The following PDZRN3 variants were observed in gnomAD, a reference collection of about 807,000 sequenced individuals.
PDZRN3 encodes E3 ubiquitin-protein ligase PDZRN3.
PDZRN3 carries 38 observed loss-of-function variants against 85.7 expected under a neutral mutation model. That is an observed-to-expected ratio of 0.44 (90% CI 0.34 to 0.58). PDZRN3 has a LOEUF of 0.58. Among genes scored for constraint, PDZRN3 ranks in the 20% least tolerant of loss-of-function variants. The probability of loss-of-function intolerance (pLI) is 0.01; values close to 1 mark genes in which losing one functional copy is unlikely to be tolerated. For missense variants in PDZRN3, 1,629 were observed against 1,506.4 expected, an observed-to-expected ratio of 1.08 and a Z score of -1.35; for synonymous variants, 759 against 638.0, an observed-to-expected ratio of 1.19 and a Z score of -2.86.
intron 3 of PDZRN3, among the ~76,000 whole-genome samples, chr3:73,453,428 A>C (rs1195716044): frequency 1.3e-4 from 20 of 150,364 alleles, no homozygotes; most frequent in East Asian, 5.8e-4. Context: ...AAAAAACAAA[A>C]AAAAAAAACA....
chr3:73,516,372 C>A (rs998561998), intron 3 of PDZRN3, among the ~76,000 whole-genome samples: 1 of 152,330 alleles, frequency 6.6e-6, no homozygotes, highest in African/African-American at 2.4e-5. Context: ...ACACACCCAT[C>A]AATGTTGCCT....
Position 73,429,322 on chromosome 3 carries a change from C to T in PDZRN3, c.919-24927G>A, listed in dbSNP as rs77017050. On this transcript the variant is annotated intron_variant, in intron 3 of 9. Coordinates refer to ENST00000263666, the MANE Select transcript of PDZRN3 (RefSeq NM_015009.3). The stretch of plus-strand genomic sequence containing the variant: ...ATAGGCTGTTTAAGCAAACACACTC[C>T]TACTTGCAGGAAAATTTTGCCAGGT... Among the ~76,000 whole-genome samples the T allele has an allele frequency of 1.9e-4, 29 of 152,336 alleles. No homozygotes were observed. The East Asian group carries it at 5.4e-3, about 28-fold the overall frequency.
intron 1 of PDZRN3, among the ~76,000 whole-genome samples, chr3:73,609,890 C>T (rs1242251935): frequency 2.6e-5 from 4 of 152,164 alleles, no homozygotes; most frequent in Admixed American, 6.5e-5. Context: ...TCTGGAGCAC[C>T]GCTTCATTTA....
chr3:73,384,759 GCCCCGCC>G lies in PDZRN3; in HGVS notation c.1800_1806del (p.Ala601ArgfsTer54). 5 of 1,613,924 alleles carry G rather than the reference GCCCCGCC, an allele frequency of 3.1e-6. No individual in the cohort carries two copies. Among genetic ancestry groups the G allele is most frequent in the Non-Finnish European group, 4.2e-6 (5 of 1,180,044 alleles). ...TCCTGGCTGCAGGTGAGCTTCCTCT[GCCCCGCC>G]AGCGGGTTGGAGGATGCGGTGGCGT... On this transcript the variant is annotated frameshift_variant, in exon 10 of 10. Transcript: ENST00000263666. LOFTEE classifies it high-confidence loss of function.
intron 3 of PDZRN3, among the ~76,000 whole-genome samples, chr3:73,436,819 G>A (rs1702539267): frequency 6.6e-6 from 1 of 152,002 alleles, no homozygotes; most frequent in Non-Finnish European, 1.5e-5. Context: ...AGGCTGAGGT[G>A]GGCGGATCAT....
chr3:73,388,433 A>G (rs968635771), intron 7 of PDZRN3, among the ~76,000 whole-genome samples: 1 of 152,232 alleles, frequency 6.6e-6, no homozygotes, highest in African/African-American at 2.4e-5. Flanking sequence ...ATATGTAGAC[A>G]TTATTGGATA....
intron 1 of PDZRN3, among the ~76,000 whole-genome samples, chr3:73,609,017 C>T (rs905076468): frequency 1.3e-4 from 20 of 152,270 alleles, no homozygotes; most frequent in African/African-American, 4.6e-4. Context: ...CGTACGCAGG[C>T]TGTCTAGACG....
intron 3 of PDZRN3, among the ~76,000 whole-genome samples, chr3:73,503,237 A>G (rs1008185963): frequency 6.6e-6 from 1 of 152,202 alleles, no homozygotes; most frequent in Non-Finnish European, 1.5e-5. Context: ...ACTTGTTTTA[A>G]TGGTTCCCTC....
At chr3:73,412,622 C>T (rs894030297) in intron 3 of PDZRN3, among the ~76,000 whole-genome samples, 4 of 152,206 alleles carry the variant, frequency 2.6e-5, no homozygotes, top group African/African-American at 9.7e-5. Flanking sequence ...TTCAAGTAGG[C>T]TGTAGCACTT....
intron 3 of PDZRN3, among the ~76,000 whole-genome samples, chr3:73,501,980 A>C (rs935350571): frequency 6.6e-6 from 1 of 152,140 alleles, no homozygotes; most frequent in Non-Finnish European, 1.5e-5. Flanking sequence ...GCATCACTGC[A>C]CTCCAGCCTG....
intron 3 of PDZRN3, among the ~76,000 whole-genome samples, chr3:73,436,132 T>G (rs1702526943): frequency 6.6e-6 from 1 of 152,234 alleles, no homozygotes; most frequent in East Asian, 1.9e-4. Flanking sequence ...TGAATTTACT[T>G]TCAGATCTTC....
chr3:73,392,554 A>C (rs759023955), intron 5 of PDZRN3, among the ~76,000 whole-genome samples: 3 of 152,160 alleles, frequency 2.0e-5, no homozygotes, highest in Non-Finnish European at 4.4e-5. Flanking sequence ...AGAGTCACCA[A>C]CATGAGGCAC....
At chr3:73,553,470 G>A (rs1484038785) in intron 3 of PDZRN3, among the ~76,000 whole-genome samples, 3 of 152,066 alleles carry the variant, frequency 2.0e-5, no homozygotes, top group African/African-American at 7.2e-5. Context: ...CAGCTACTCG[G>A]GAGGCTGAGG....
intron 3 of PDZRN3, among the ~76,000 whole-genome samples, chr3:73,558,261 C>T (rs1701743575): frequency 6.7e-6 from 1 of 150,112 alleles, no homozygotes; most frequent in Non-Finnish European, 1.5e-5. Flanking sequence ...GGAAAGTCAG[C>T]AGGGAGATAA....
intron 8 of PDZRN3, among the ~76,000 whole-genome samples, chr3:73,386,539 G>C (rs866640675): frequency 6.6e-6 from 1 of 152,178 alleles, no homozygotes; most frequent in African/African-American, 2.4e-5. Context: ...CCAAAAAAGA[G>C]TGAACTATTC....
intron 3 of PDZRN3, among the ~76,000 whole-genome samples, chr3:73,427,621 C>T (rs994574132): frequency 2.6e-5 from 4 of 152,314 alleles, no homozygotes; most frequent in Non-Finnish European, 5.9e-5. Context: ...GTACCATCTG[C>T]CTCATGGCAA....
intron 3 of PDZRN3, among the ~76,000 whole-genome samples, chr3:73,451,298 A>G (rs189838988): frequency 6.6e-6 from 1 of 152,282 alleles, no homozygotes; most frequent in Admixed American, 6.5e-5. Context: ...CTAATAAATG[A>G]TTGGTACAGT....
intron 3 of PDZRN3, among the ~76,000 whole-genome samples, chr3:73,591,956 T>G (rs1702362956): frequency 6.6e-6 from 1 of 152,160 alleles, no homozygotes; most frequent in African/African-American, 2.4e-5. Context: ...TATCTCATAT[T>G]AGGCAGAACT....
At chr3:73,495,598 C>T (rs1703851969) in intron 3 of PDZRN3, among the ~76,000 whole-genome samples, 1 of 152,118 alleles carries the variant, frequency 6.6e-6, no homozygotes, top group African/African-American at 2.4e-5. Flanking sequence ...TTGATGGACA[C>T]TTAGGATGTT....
Sources: allele counts gnomAD v4.1 joint callset (sites outside exome capture counted in the v4.1 genomes callset), GRCh38; gene constraint gnomAD v4.1.1; transcripts MANE v1.5; gene names NCBI Gene and HGNC (gene_info 2026-07-23, HGNC 2026-07-21).